The following GLIS3 variants were observed in gnomAD, a reference collection of about 807,000 sequenced individuals.
GLIS3 encodes zinc finger protein GLIS3.
Under a neutral mutation model 78.6 loss-of-function variants are expected in GLIS3, and 53 were observed. The ratio of observed to expected loss-of-function variants is 0.67; its 90% CI spans 0.54 to 0.85. The LOEUF (loss-of-function observed/expected upper bound fraction) is 0.85, where lower values mean the gene tolerates loss of function less well. Ranked by LOEUF, GLIS3 falls within the 40% of genes least tolerant of loss-of-function variation. GLIS3 has a pLI of 0.00. For missense variants in GLIS3, 1,703 were observed against 1,231.1 expected (o/e 1.38, Z -5.74); for synonymous variants, 684 against 509.9 (o/e 1.34, Z -4.60).
chr9:4,384,091 G>T, the GLIS3 span, among the ~76,000 whole-genome samples: 1 of 152,214 alleles, frequency 6.6e-6, no homozygotes, highest in Non-Finnish European at 1.5e-5. Flanking sequence ...TGGTACTGAA[G>T]AAGTTGTGGC....
chr9:4,217,079 G>A (rs965908202), intron 2 of GLIS3, among the ~76,000 whole-genome samples: 8 of 152,122 alleles, frequency 5.3e-5, no homozygotes, highest in Non-Finnish European at 5.9e-5. Flanking sequence ...GTATTTGTCA[G>A]CCCCTTCTGT....
intron 5 of GLIS3, among the ~76,000 whole-genome samples, chr9:3,935,529 A>G (rs911661093): frequency 6.6e-6 from 1 of 152,168 alleles, no homozygotes; most frequent in African/African-American, 2.4e-5. Flanking sequence ...GTGCGAAACC[A>G]TAACACTTAG....
At chr9:4,283,638 T>C (rs1399485379) in intron 2 of GLIS3, among the ~76,000 whole-genome samples, 4 of 152,222 alleles carry the variant, frequency 2.6e-5, no homozygotes, top group Non-Finnish European at 5.9e-5. Context: ...GACTATGCTT[T>C]ATTGGCTATT....
intron 4 of GLIS3, among the ~76,000 whole-genome samples, chr9:4,045,723 A>T (rs1268261956): frequency 6.6e-6 from 1 of 152,166 alleles, no homozygotes; most frequent in Non-Finnish European, 1.5e-5. Flanking sequence ...AGAATCAGAC[A>T]AGAGGCTGAA....
chr9:3,987,986 T>G (rs543685875), intron 4 of GLIS3, among the ~76,000 whole-genome samples: 1 of 152,056 alleles, frequency 6.6e-6, no homozygotes, highest in East Asian at 1.9e-4. Context: ...TTCACTGAGG[T>G]ATAGTGATGA....
At chr9:4,353,984 C>A in the GLIS3 span, among the ~76,000 whole-genome samples, 1 of 133,718 alleles carries the variant, frequency 7.5e-6, no homozygotes, top group South Asian at 2.7e-4. Flanking sequence ...CACGCCGCCA[C>A]ACCCGGCTAT....
the GLIS3 span, among the ~76,000 whole-genome samples, chr9:4,410,024 G>A: frequency 2.0e-5 from 3 of 152,168 alleles, no homozygotes; most frequent in African/African-American, 7.2e-5. Flanking sequence ...AGGCTGGAGT[G>A]CAGTGGTGAG....
intron 2 of GLIS3, among the ~76,000 whole-genome samples, chr9:4,339,073 T>C (rs1022718931): frequency 6.6e-6 from 1 of 152,184 alleles, no homozygotes; most frequent in Admixed American, 6.5e-5. Flanking sequence ...TTCAAAACAA[T>C]TGAGACTGTC....
At chr9:4,018,408 T>C (rs945913499) in intron 4 of GLIS3, among the ~76,000 whole-genome samples, 1 of 152,184 alleles carries the variant, frequency 6.6e-6, no homozygotes, top group Non-Finnish European at 1.5e-5. Flanking sequence ...GAAAGCAAGA[T>C]GAATTACTTC....
chr9:3,972,617 C>G (rs1394700311), intron 4 of GLIS3, among the ~76,000 whole-genome samples: 1 of 152,070 alleles, frequency 6.6e-6, no homozygotes, highest in Non-Finnish European at 1.5e-5. Flanking sequence ...TTCACATAAG[C>G]CATCTTTAGG....
At chr9:4,090,014 C>T (rs1829363611) in intron 4 of GLIS3, among the ~76,000 whole-genome samples, 1 of 152,220 alleles carries the variant, frequency 6.6e-6, no homozygotes, top group Admixed American at 6.5e-5. Flanking sequence ...TCCTCGCTTG[C>T]TCCCTTCTGC....
chr9:4,255,558 G>T (rs761729759), intron 2 of GLIS3, among the ~76,000 whole-genome samples: 3 of 152,200 alleles, frequency 2.0e-5, no homozygotes, highest in Non-Finnish European at 4.4e-5. Flanking sequence ...ATCAAGCCAT[G>T]ACAAGATATG....
intron 8 of GLIS3, among the ~76,000 whole-genome samples, chr9:3,874,786 G>A (rs1249210602): frequency 4.6e-5 from 7 of 152,146 alleles, no homozygotes; most frequent in African/African-American, 1.2e-4. Context: ...TTGAGTGAGA[G>A]AACAGAAAAA....
chr9:3,956,741 C>A (rs914082201), intron 4 of GLIS3, among the ~76,000 whole-genome samples: 1 of 152,138 alleles, frequency 6.6e-6, no homozygotes, highest in Admixed American at 6.5e-5. Flanking sequence ...TTTGAATAAT[C>A]CTCAAACAGT....
the GLIS3 span, among the ~76,000 whole-genome samples, chr9:4,426,664 C>T: frequency 1.3e-5 from 2 of 152,192 alleles, no homozygotes; most frequent in Non-Finnish European, 2.9e-5. Flanking sequence ...AACCATATAG[C>T]AAAATATTTG....
rs564757544 is a variant in GLIS3 at position 4,068,247 on chromosome 9, A to T, written c.1710+49521T>A. Among the ~76,000 whole-genome samples the T allele has an allele frequency of 6.6e-5, 10 of 152,292 alleles. No individual in the cohort carries two copies. In the South Asian group the frequency reaches 1.2e-3, roughly 19 times the overall value. On this transcript the variant is annotated intron_variant, in intron 4 of 10. Coordinates refer to ENST00000381971, the MANE Select transcript of GLIS3 (RefSeq NM_001042413.2). ...AATGTAATAAAAACAATAATTTTTA[A>T]ATCATAATAATCAAATCCTAAAACT...
chr9:3,997,538 G>T (rs1260882345), intron 4 of GLIS3, among the ~76,000 whole-genome samples: 1 of 151,642 alleles, frequency 6.6e-6, no homozygotes, highest in Non-Finnish European at 1.5e-5. Context: ...GAAAAATATG[G>T]GCAAATTAAC....
At chr9:4,445,062 G>C in the GLIS3 span, among the ~76,000 whole-genome samples, 1 of 152,016 alleles carries the variant, frequency 6.6e-6, no homozygotes, top group African/African-American at 2.4e-5. Flanking sequence ...TAATCATTAT[G>C]CATCAACTCT....
At chr9:3,962,267 T>A (rs539161572) in intron 4 of GLIS3, among the ~76,000 whole-genome samples, 3 of 152,032 alleles carry the variant, frequency 2.0e-5, no homozygotes, top group Admixed American at 6.6e-5. Flanking sequence ...AAAGAACTTT[T>A]GTTCTTTTCT....
Sources: allele counts gnomAD v4.1 joint callset (sites outside exome capture counted in the v4.1 genomes callset), GRCh38; gene constraint gnomAD v4.1.1; transcripts MANE v1.5; gene names NCBI Gene and HGNC (gene_info 2026-07-23, HGNC 2026-07-21).